The following APBA2 variants were observed in gnomAD, a reference collection of about 807,000 sequenced individuals.
APBA2 encodes amyloid-beta A4 precursor protein-binding family A member 2.
In APBA2, 30 loss-of-function variants were observed where a neutral mutation model predicts 75.0. That is an observed-to-expected ratio of 0.40 (90% CI 0.30 to 0.54). The LOEUF is 0.54. Among genes scored for constraint, APBA2 ranks in the 20% least tolerant of loss-of-function variants. The pLI is 0.49. For synonymous variants in APBA2, 444 were observed against 409.6 expected, an observed-to-expected ratio of 1.08 and a Z score of -1.01; for missense variants, 801 against 1,016.1, an observed-to-expected ratio of 0.79 and a Z score of 2.88.
intron 2 of APBA2, among the ~76,000 whole-genome samples, chr15:28,924,794 G>A (rs969303750): frequency 3.9e-5 from 6 of 152,028 alleles, no homozygotes; most frequent in Non-Finnish European, 5.9e-5. Flanking sequence ...GAATTGTTGC[G>A]TTCTGTGGTG....
At chr15:29,073,104 G>C (rs1462191731) in intron 4 of APBA2, among the ~76,000 whole-genome samples, 2 of 152,210 alleles carry the variant, frequency 1.3e-5, no homozygotes, top group Non-Finnish European at 2.9e-5. Context: ...AGTGCTGGGA[G>C]GGTGGGCCCA....
At chr15:28,967,836 G>A (rs561557394) in intron 2 of APBA2, among the ~76,000 whole-genome samples, 1 of 152,274 alleles carries the variant, frequency 6.6e-6, no homozygotes, top group South Asian at 2.1e-4. Flanking sequence ...AGGTGTACAG[G>A]TCAGTGACGT....
intron 2 of APBA2, among the ~76,000 whole-genome samples, chr15:28,948,677 T>G (rs1357742284): frequency 6.6e-6 from 1 of 152,220 alleles, no homozygotes; most frequent in Non-Finnish European, 1.5e-5. Flanking sequence ...TTACTGTACC[T>G]GTTGTTTTAT....
Position 28,919,871 on chromosome 15 carries a change from A to T in APBA2, c.-204-1769A>T, listed in dbSNP as rs1380335736. 3.3e-5 allele frequency among the ~76,000 whole-genome samples: 5 copies of T among 152,116 alleles called. No homozygotes were observed. The South Asian group carries it at 8.3e-4, about 25-fold the overall frequency. ...CCGTGGGATAAGAATGGGCTTGAGC[A>T]TGGCTGTGGGTGCTCCGTGTGGCGA... On this transcript the variant is annotated intron_variant, in intron 1 of 14. Coordinates refer to ENST00000683413, the MANE Select transcript of APBA2 (RefSeq NM_001353788.2).
intron 3 of APBA2, among the ~76,000 whole-genome samples, chr15:29,010,335 T>C (rs2039337388): frequency 6.6e-6 from 1 of 152,212 alleles, no homozygotes; most frequent in South Asian, 2.1e-4. Context: ...CTCAGCTCAC[T>C]GTAAGCTTCG....
intron 2 of APBA2, among the ~76,000 whole-genome samples, chr15:28,964,474 C>T (rs946460592): frequency 2.0e-5 from 3 of 147,472 alleles, no homozygotes; most frequent in Non-Finnish European, 4.4e-5. Context: ...AATATCTGTT[C>T]ATCACTTTTG....
At chr15:29,032,053 G>A (rs1180340746) in intron 3 of APBA2, among the ~76,000 whole-genome samples, 1 of 152,240 alleles carries the variant, frequency 6.6e-6, no homozygotes, top group African/African-American at 2.4e-5. Context: ...AGAAGAGTGT[G>A]TAACTCTGGG....
At position 28,988,312 on chromosome 15, in the gene APBA2, G is replaced by A. The variant is rs537192911; in HGVS notation, c.-94-7441G>A. ...GGAGTCTTGCTCTGTTGCCCAGGCT[G>A]GAGTGCAGTGGCGTGATCTCGGCTC... On this transcript the variant is annotated intron_variant, in intron 2 of 14. Transcript: ENST00000683413. Among the ~76,000 whole-genome samples the A allele has an allele frequency of 1.2e-4, 18 of 150,426 alleles. No homozygotes were observed. In the South Asian group the frequency reaches 2.1e-3, roughly 18 times the overall value.
intron 6 of APBA2, among the ~76,000 whole-genome samples, chr15:29,089,650 C>T (rs1172974196): frequency 1.3e-5 from 2 of 152,192 alleles, no homozygotes; most frequent in East Asian, 1.9e-4. Flanking sequence ...GGACTCCCCT[C>T]CCCTTCCCTC....
At chr15:29,106,464 C>T (rs2044409966) in intron 11 of APBA2, 143 bp from the exon 12 acceptor site, 1 of 951,432 alleles carries the variant, frequency 1.1e-6, no homozygotes, top group African/African-American at 1.6e-5. Context: ...CCCAAGACCT[C>T]TCCTGGCTGA....
intron 1 of APBA2, among the ~76,000 whole-genome samples, chr15:28,886,708 C>G (rs1435386352): frequency 6.6e-6 from 1 of 152,202 alleles, no homozygotes; most frequent in Non-Finnish European, 1.5e-5. Context: ...GGGGTCGCCT[C>G]TGGGTTCGCT....
intron 9 of APBA2, among the ~76,000 whole-genome samples, chr15:29,099,671 G>A (rs534604165): frequency 7.2e-5 from 11 of 152,336 alleles, no homozygotes; most frequent in African/African-American, 2.6e-4. Context: ...TGCCAGAGAG[G>A]GCCAGCCTTG....
At position 28,923,916 on chromosome 15, in the gene APBA2, C is replaced by T. The variant is rs543036426; in HGVS notation, c.-95+2167C>T. On this transcript the variant is annotated intron_variant, in intron 2 of 14. Coordinates refer to ENST00000683413, the MANE Select transcript of APBA2 (RefSeq NM_001353788.2). ...TCATCCCTGTGCTGCCTCAGCACTT[C>T]GTCTGGCAAGATTTGCAGGTGCAGT... 1.2e-4 allele frequency among the ~76,000 whole-genome samples: 18 copies of T among 152,348 alleles called. No homozygotes were observed. The South Asian group carries it at 3.7e-3, about 32-fold the overall frequency.
intron 6 of APBA2, among the ~76,000 whole-genome samples, chr15:29,086,895 G>A (rs1306204405): frequency 6.6e-6 from 1 of 152,134 alleles, no homozygotes; most frequent in Non-Finnish European, 1.5e-5. Context: ...TATGCAAAGA[G>A]GTCAGTTTCT....
At chr15:28,939,224 C>T (rs1036972028) in intron 2 of APBA2, among the ~76,000 whole-genome samples, 3 of 152,264 alleles carry the variant, frequency 2.0e-5, no homozygotes, top group East Asian at 1.9e-4. Flanking sequence ...CACTCCATTG[C>T]GGGAATATGC....
chr15:28,890,587 A>G (rs886439884), intron 1 of APBA2, among the ~76,000 whole-genome samples: 8 of 152,120 alleles, frequency 5.3e-5, no homozygotes, highest in African/African-American at 1.9e-4. Context: ...GAGATGCTTT[A>G]GTTTTATGAG....
chr15:28,987,134 A>T (rs922608675), intron 2 of APBA2, among the ~76,000 whole-genome samples: 1 of 152,230 alleles, frequency 6.6e-6, no homozygotes, highest in African/African-American at 2.4e-5. Context: ...AGGCACAAAC[A>T]TTCAGTCTGT....
intron 1 of APBA2, among the ~76,000 whole-genome samples, chr15:28,908,106 G>A (rs1453261184): frequency 6.6e-6 from 1 of 152,086 alleles, no homozygotes; most frequent in East Asian, 1.9e-4. Flanking sequence ...GGGTTTTCCC[G>A]AGCCGTTGTC....
chr15:29,114,650 GGATGT>G (rs910738414), intron 14 of APBA2, among the ~76,000 whole-genome samples: 3 of 151,284 alleles, frequency 2.0e-5, no homozygotes, highest in Admixed American at 1.3e-4. Context: ...GGTGTGTGTG[GGATGT>G]GATGTATGAG....
Sources: allele counts gnomAD v4.1 joint callset (sites outside exome capture counted in the v4.1 genomes callset), GRCh38; gene constraint gnomAD v4.1.1; transcripts MANE v1.5; gene names NCBI Gene and HGNC (gene_info 2026-07-23, HGNC 2026-07-21).